Variants in AHCTF1 observed in about 807,000 individuals in gnomAD.
AHCTF1 encodes AT-hook containing transcription factor 1, also known as protein ELYS.
In AHCTF1, 24 loss-of-function variants were observed where a neutral mutation model predicts 248.4. That is an observed-to-expected ratio of 0.10 (90% confidence interval 0.07 to 0.14). The LOEUF is 0.14. Among genes scored for constraint, AHCTF1 ranks in the 10% least tolerant of loss-of-function variants. The pLI is 1.00. For missense variants in AHCTF1, 2,206 were observed against 2,636.2 expected (o/e 0.84, Z 3.57); for synonymous variants, 786 against 929.8 (o/e 0.85, Z 2.81).
chr1:246,929,235 C>A (rs943216332), intron 1 of AHCTF1, among the ~76,000 whole-genome samples: 1 of 152,014 alleles, frequency 6.6e-6, no homozygotes, highest in Non-Finnish European at 1.5e-5. Flanking sequence ...ATGGTGAAAC[C>A]CCGTCTCTAC....
At chr1:246,902,458 A>C in intron 8 of AHCTF1, 67 bp downstream of exon 8, 3 of 1,537,256 alleles carry the variant, frequency 2.0e-6, no homozygotes, top group Non-Finnish European at 2.6e-6. Flanking sequence ...TGAAATCTAG[A>C]AAATAACACC....
chr1:246,922,290 G>A (rs1666596205), intron 1 of AHCTF1, among the ~76,000 whole-genome samples: 1 of 152,162 alleles, frequency 6.6e-6, no homozygotes, highest in Non-Finnish European at 1.5e-5. Context: ...AACCCAGGAG[G>A]CAGAGGTTGC....
chr1:246,861,655 A>T (rs921879855), intron 28 of AHCTF1, among the ~76,000 whole-genome samples: 2 of 152,198 alleles, frequency 1.3e-5, no homozygotes, highest in Non-Finnish European at 2.9e-5. Flanking sequence ...AAGATAAAAG[A>T]AGGACTAAAA....
At chr1:246,861,921 TA>T (rs1254741822) in intron 28 of AHCTF1, 37 bp downstream of exon 28, 2 of 1,536,508 alleles carry the variant, frequency 1.3e-6, no homozygotes, top group South Asian at 2.3e-5. Context: ...ACATTCTTAT[TA>T]AAAAATGTCT....
In AHCTF1 at chr1:246,881,489, T is replaced by C. The variant is rs559948660; in HGVS notation, c.2660+4004A>G. On this transcript the variant is annotated intron_variant, in intron 21 of 35. Coordinates refer to ENST00000648844, the MANE Select transcript of AHCTF1 (RefSeq NM_001323342.2). ...TTTCACCTATTAAATGGAGAATACA[T>C]TGAGTACTTATCAGTGGGTAAATCA... Among the ~76,000 whole-genome samples, 17 of 152,252 alleles carry C rather than the reference T, an allele frequency of 1.1e-4. No homozygotes were observed. The South Asian group carries it at 3.3e-3, about 30-fold the overall frequency.
intron 17 of AHCTF1, 110 bp from the exon 18 acceptor site, chr1:246,888,627 G>C: frequency 7.5e-7 from 1 of 1,325,556 alleles, no homozygotes; most frequent in Non-Finnish European, 1.0e-6. Context: ...AGAGAGAAGA[G>C]GCTGGGCATG....
rs1308148697 is a variant in AHCTF1 at position 246,840,058 on chromosome 1, T to TC, written c.*747dup. 1 of 152,602 alleles carries TC rather than the reference T, an allele frequency of 6.6e-6. No individual in the cohort carries two copies. Among genetic ancestry groups the TC allele is most frequent in the Non-Finnish European group, 1.5e-5 (1 of 68,042 alleles). The allele number at this position is 152,602 out of a possible 1,614,324, so 9.5% of individuals were successfully genotyped here. ...AGGCACATACAAGATGCACTCAATA[T>TC]CCATAAACAGATTTATTTTACATTT... On this transcript the variant is annotated 3_prime_UTR_variant, in exon 36 of 36. Transcript: ENST00000648844.
At chr1:246,873,773 T>C (rs1439324878) in intron 24 of AHCTF1, among the ~76,000 whole-genome samples, 1 of 152,204 alleles carries the variant, frequency 6.6e-6, no homozygotes, top group Non-Finnish European at 1.5e-5. Flanking sequence ...AACTTCACTT[T>C]CACCCCACAA....
At chr1:246,853,423 C>A in intron 31 of AHCTF1, 124 bp from the exon 32 acceptor site, 1 of 694,138 alleles carries the variant, frequency 1.4e-6, no homozygotes, top group Non-Finnish European at 2.3e-6. Context: ...TATCACAATG[C>A]CAGAAAAGTC....
At chr1:246,873,647 C>T (rs1158625552) in intron 24 of AHCTF1, among the ~76,000 whole-genome samples, 1 of 152,064 alleles carries the variant, frequency 6.6e-6, no homozygotes, top group African/African-American at 2.4e-5. Context: ...AGAGACAATA[C>T]ACTAAGTCGA....
chr1:246,888,276 TC>T (rs1417673501), intron 18 of AHCTF1, 43 bp from the exon 19 acceptor site: 1 of 1,608,778 alleles, frequency 6.2e-7, no homozygotes, highest in Admixed American at 1.7e-5. Context: ...TCTTATACAG[TC>T]ATTCATTCAT....
intron 1 of AHCTF1, chr1:246,931,268 C>A: frequency 3.2e-6 from 5 of 1,548,918 alleles, no homozygotes; most frequent in Non-Finnish European, 4.4e-6. Flanking sequence ...CCCCGGCCGT[C>A]CGTAAAGGGA....
Position 246,863,968 on chromosome 1 carries a change from T to G in AHCTF1, c.3496A>C (p.Arg1166=). 6.2e-7 allele frequency: 1 copy of G among 1,614,108 alleles called. No homozygotes were observed. The highest frequency in any genetic ancestry group is 8.5e-7 in the Non-Finnish European group (1 of 1,179,980). ...TCAAGCAAATGTAATTCTGAAGCCC[T>G]GGAGATGGCCTGAGGCGATCCTTTT... ...QLKGSPQAIS[R]ASELHLLETP... is the part of the protein sequence containing the mutation. The change falls in exon 27 of 36, where the codon AGG becomes CGG. Residue 1166 remains arginine, a synonymous_variant. Coordinates refer to ENST00000648844, the MANE Select transcript of AHCTF1 (RefSeq NM_001323342.2).
In AHCTF1 at chr1:246,850,038, C is replaced by G; in HGVS notation, c.5968G>C (p.Ala1990Pro). 1.2e-6 allele frequency: 2 copies of G among 1,613,852 alleles called. No homozygotes were observed. Among genetic ancestry groups the G allele is most frequent in the Non-Finnish European group, 1.7e-6 (2 of 1,179,854 alleles). ...TTGGGGCTTCTCTCTTCCTTAACAG[C>G]CTTAGATCCTACATCTTCAGATGGA... The part of the protein sequence containing the change: ...INPSEDVGSK[A>P]VKEERSPKKK... The change falls in exon 33 of 36, where the codon GCT becomes CCT. Residue 1990 changes from alanine (A) to proline (P), a missense_variant. Physicochemically the swap from Ala to Pro is conservative, Grantham distance 27 (BLOSUM62 -1). This residue lies in a region of AHCTF1 where 469 missense variants were observed against 470.0 expected (regional missense o/e 1.00). Coordinates refer to ENST00000648844, the MANE Select transcript of AHCTF1 (RefSeq NM_001323342.2).
chr1:246,916,934 A>C (rs1034853702), intron 2 of AHCTF1, among the ~76,000 whole-genome samples: 2 of 152,244 alleles, frequency 1.3e-5, no homozygotes, highest in African/African-American at 4.8e-5. Flanking sequence ...AAGAGTTCAC[A>C]GTCCAATTAA....
At chr1:246,931,340 C>T (rs978753942) in intron 1 of AHCTF1, 4 of 1,544,318 alleles carry the variant, frequency 2.6e-6, no homozygotes, top group Admixed American at 3.9e-5. Context: ...GCCGCCGCTC[C>T]TCCGGTCCGA....
At chr1:246,919,020 T>C (rs942255976) in intron 1 of AHCTF1, among the ~76,000 whole-genome samples, 3 of 152,308 alleles carry the variant, frequency 2.0e-5, no homozygotes, top group Middle Eastern at 3.4e-3. Flanking sequence ...AGAAATAATA[T>C]AGGCATAAAG....
intron 25 of AHCTF1, 48 bp downstream of exon 25, chr1:246,867,613 G>A (rs1350775760): frequency 1.3e-6 from 2 of 1,594,274 alleles, no homozygotes; most frequent in African/African-American, 2.7e-5. Context: ...TTGATGTCCA[G>A]TAAAGATTAA....
At position 246,839,580 on chromosome 1, in the gene AHCTF1, G is replaced by A. The variant is rs759467078; in HGVS notation, c.*1226C>T. 61 of 985,810 alleles carry A rather than the reference G, an allele frequency of 6.2e-5. No individual in the cohort carries two copies. Among genetic ancestry groups the A allele is most frequent in the Non-Finnish European group, 6.9e-5 (57 of 829,872 alleles). 61.1% of individuals were successfully genotyped at this position (985,810 alleles called of 1,614,324 possible). A position where few individuals can be genotyped will look rare whatever the true frequency, so the allele number is the denominator to read the frequency against. On this transcript the variant is annotated 3_prime_UTR_variant, in exon 36 of 36. Coordinates refer to ENST00000648844, the MANE Select transcript of AHCTF1 (RefSeq NM_001323342.2). ...TGCTTTCACACTGTCAACACTTTGC[G>A]TAGGCATTTTCACCAATTTCTCATT...
Sources: allele counts gnomAD v4.1 joint callset (sites outside exome capture counted in the v4.1 genomes callset), GRCh38; gene constraint gnomAD v4.1.1; regional missense constraint gnomAD v4.1.1; transcripts MANE v1.5; gene names NCBI Gene and HGNC (gene_info 2026-07-23, HGNC 2026-07-21).